The following KLHL20 variants were observed in gnomAD, a reference collection of about 807,000 sequenced individuals.
KLHL20 encodes the protein kelch like family member 20.
KLHL20 carries 29 observed loss-of-function variants against 69.5 expected under a neutral mutation model. That is an observed-to-expected ratio of 0.42 (90% CI 0.31 to 0.57). The LOEUF (loss-of-function observed/expected upper bound fraction) is 0.57. Among genes scored for constraint, KLHL20 ranks in the 20% least tolerant of loss-of-function variants. KLHL20 has a pLI of 0.18. For missense variants in KLHL20, 419 were observed against 776.0 expected, an observed-to-expected ratio of 0.54 and a Z score of 5.47; for synonymous variants, 253 against 265.2, an observed-to-expected ratio of 0.95 and a Z score of 0.45.
chr1:173,715,172 A>G (rs540946304), intron 1 of KLHL20, 94 bp downstream of exon 1: 43 of 152,472 alleles, frequency 2.8e-4, no homozygotes, highest in South Asian at 6.2e-4. Flanking sequence ...GAGCTGCCCC[A>G]TGGGGTCAGG....
At position 173,775,737 on chromosome 1, in the gene KLHL20, T is replaced by C. The variant is rs1648423576; in HGVS notation, c.1533T>C (p.Ala511=). The change falls in exon 10 of 12, where the codon GCT becomes GCC. Residue 511 remains alanine, a synonymous_variant. Coordinates refer to ENST00000209884, the MANE Select transcript of KLHL20 (RefSeq NM_014458.4). ...CAGTATATCAGGACATGATCTATGC[T>C]GTAGGAGGTAGAGATGACACTACAG... ...GCAVYQDMIY[A]VGGRDDTTEL... 6.2e-7 allele frequency: 1 copy of C among 1,614,044 alleles called. No individual in the cohort carries two copies. The highest frequency in any genetic ancestry group is 1.7e-5 in the Admixed American group (1 of 59,986).
At position 173,785,301 on chromosome 1, in the gene KLHL20, C is replaced by T; in HGVS notation, c.*54C>T. The T allele has an allele frequency of 7.6e-7, 1 of 1,308,012 alleles. No individual in the cohort carries two copies. Among genetic ancestry groups the T allele is most frequent in the Non-Finnish European group, 1.1e-6 (1 of 944,500 alleles). The allele number at this position is 1,308,012 out of a possible 1,614,324, so 81.0% of individuals were successfully genotyped here. A position where few individuals can be genotyped will look rare whatever the true frequency, so the allele number is the denominator to read the frequency against. On this transcript the variant is annotated 3_prime_UTR_variant, in exon 12 of 12. Transcript: ENST00000209884. The stretch of plus-strand genomic sequence containing the variant: ...CCTCTGTATTCTGGGGAGCTTTGAC[C>T]TTGGAGCTTTGTACAGCTTGAGAAA...
At chr1:173,751,302 G>A (rs528924026) in intron 3 of KLHL20, among the ~76,000 whole-genome samples, 1 of 152,146 alleles carries the variant, frequency 6.6e-6, no homozygotes, top group South Asian at 2.1e-4. Flanking sequence ...TTTTTCACTG[G>A]TCTAATACTC....
chr1:173,752,816 A>G (rs964776934), intron 4 of KLHL20, among the ~76,000 whole-genome samples: 4 of 152,252 alleles, frequency 2.6e-5, no homozygotes, highest in Non-Finnish European at 5.9e-5. Flanking sequence ...GAAGCACAGT[A>G]GGGTACCATG....
chr1:173,731,199 T>C (rs1672258610), intron 2 of KLHL20, among the ~76,000 whole-genome samples: 1 of 152,134 alleles, frequency 6.6e-6, no homozygotes, highest in African/African-American at 2.4e-5. Context: ...ATGGCAATCA[T>C]TAAAAAGTCA....
chr1:173,728,198 C>T (rs955100480), intron 2 of KLHL20, among the ~76,000 whole-genome samples: 1 of 152,140 alleles, frequency 6.6e-6, no homozygotes, highest in African/African-American at 2.4e-5. Flanking sequence ...GCTAACTATC[C>T]TAAATATATA....
At chr1:173,733,293 A>G (rs1402561714) in intron 2 of KLHL20, among the ~76,000 whole-genome samples, 1 of 152,078 alleles carries the variant, frequency 6.6e-6, no homozygotes, top group Non-Finnish European at 1.5e-5. Flanking sequence ...GGGATTACAG[A>G]CATGAGCCAC....
At chr1:173,716,837 G>A (rs971117064) in intron 2 of KLHL20, among the ~76,000 whole-genome samples, 2 of 152,100 alleles carry the variant, frequency 1.3e-5, no homozygotes, top group Non-Finnish European at 2.9e-5. Context: ...ATGGGAATAT[G>A]ACTTATAACT....
At chr1:173,718,626 G>A (rs1558176306) in intron 2 of KLHL20, among the ~76,000 whole-genome samples, 1 of 152,046 alleles carries the variant, frequency 6.6e-6, no homozygotes, top group Non-Finnish European at 1.5e-5. Flanking sequence ...TACTTAGGAG[G>A]CTGAAGCAGG....
intron 11 of KLHL20, 42 bp downstream of exon 11, chr1:173,782,272 T>G: frequency 7.1e-7 from 1 of 1,418,122 alleles, no homozygotes. Flanking sequence ...ACTACTGATT[T>G]GGAAATCATG....
At chr1:173,737,436 A>C (rs566261617) in intron 3 of KLHL20, among the ~76,000 whole-genome samples, 1 of 152,228 alleles carries the variant, frequency 6.6e-6, no homozygotes, top group Non-Finnish European at 1.5e-5. Context: ...ATTCTTCTAC[A>C]TGTGGCTTGC....
chr1:173,769,232 A>G (rs1647930832), intron 8 of KLHL20, among the ~76,000 whole-genome samples: 1 of 152,106 alleles, frequency 6.6e-6, no homozygotes. Context: ...TGACAACCAA[A>G]AACAGTCTCT....
At chr1:173,736,972 C>G (rs1368928536) in intron 3 of KLHL20, among the ~76,000 whole-genome samples, 1 of 152,080 alleles carries the variant, frequency 6.6e-6, no homozygotes, top group Non-Finnish European at 1.5e-5. Context: ...ATTTGCTGAT[C>G]ATTAGTGATG....
At chr1:173,750,635 A>G (rs1673265515) in intron 3 of KLHL20, among the ~76,000 whole-genome samples, 1 of 151,974 alleles carries the variant, frequency 6.6e-6, no homozygotes, top group South Asian at 2.1e-4. Flanking sequence ...GCTAGTCTCA[A>G]ACTCCTGACC....
Position 173,759,032 on chromosome 1 carries a change from C to T in KLHL20, c.1151+1873C>T, listed in dbSNP as rs140325417. 3.5e-3 allele frequency among the ~76,000 whole-genome samples: 534 copies of T among 152,254 alleles called. 3 individuals are homozygous for T. The highest frequency in any genetic ancestry group is 0.011 in the African/African-American group (453 of 41,548). On this transcript the variant is annotated intron_variant, in intron 7 of 11. Coordinates refer to ENST00000209884, the MANE Select transcript of KLHL20 (RefSeq NM_014458.4). The stretch of plus-strand genomic sequence containing the variant: ...CAGACTCAGAGTTGTGAGAGGGGCA[C>T]GGTGGGAGTGAGACCATGGGAGTGA...
At chr1:173,741,832 T>A (rs1001131469) in intron 3 of KLHL20, 6 of 1,585,812 alleles carry the variant, frequency 3.8e-6, no homozygotes, top group Admixed American at 1.7e-5. Context: ...GCACAAACTG[T>A]AGTTTTGTGT....
Position 173,716,016 on chromosome 1 carries a change from G to C in KLHL20, c.-28G>C. 6.2e-7 allele frequency: 1 copy of C among 1,612,384 alleles called. No homozygotes were observed. Among genetic ancestry groups the C allele is most frequent in the Non-Finnish European group, 8.5e-7 (1 of 1,178,906 alleles). ...CTGTTGTCTTAGGTTCGGCTTTAGA[G>C]TGTGGTGAAGGGTACTTTTCATGGT... On this transcript the variant is annotated 5_prime_UTR_variant, in exon 2 of 12. Coordinates refer to ENST00000209884, the MANE Select transcript of KLHL20 (RefSeq NM_014458.4).
intron 11 of KLHL20, 72 bp downstream of exon 11, chr1:173,782,302 C>T (rs912095335): frequency 9.9e-6 from 11 of 1,107,958 alleles, no homozygotes; most frequent in Non-Finnish European, 1.4e-5. Flanking sequence ...TAGCCTATGA[C>T]CATCAGAACT....
At chr1:173,748,073 G>A (rs1390755866) in intron 3 of KLHL20, among the ~76,000 whole-genome samples, 1 of 151,806 alleles carries the variant, frequency 6.6e-6, no homozygotes. Context: ...AGATGAAATA[G>A]GCAAATTCTC....
Sources: allele counts gnomAD v4.1 joint callset (sites outside exome capture counted in the v4.1 genomes callset), GRCh38; gene constraint gnomAD v4.1.1; transcripts MANE v1.5; gene names NCBI Gene and HGNC (gene_info 2026-07-23, HGNC 2026-07-21).